Variants in TSPAN3 observed in about 807,000 individuals in gnomAD.
The protein encoded by TSPAN3 is tetraspanin 3.
TSPAN3 carries 9 observed loss-of-function variants against 31.1 expected under a neutral mutation model. The observed-to-expected ratio is 0.29, with a 90% confidence interval of 0.17 to 0.50. TSPAN3 has a LOEUF of 0.50. Ranked by LOEUF, TSPAN3 falls within the 20% of genes least tolerant of loss-of-function variation. TSPAN3 has a pLI of 0.98. For synonymous variants in TSPAN3, 129 were observed against 114.3 expected (o/e 1.13, Z -0.82); for missense variants, 252 against 313.5 (o/e 0.80, Z 1.48).
At chr15:77,048,604 T>C (rs2076708908) in intron 6 of TSPAN3, among the ~76,000 whole-genome samples, 2 of 152,228 alleles carry the variant, frequency 1.3e-5, no homozygotes, top group Admixed American at 1.3e-4. Context: ...CATTAACTAT[T>C]ACAGGCTCAT....
At chr15:77,049,367 G>C (rs1450029105) in intron 6 of TSPAN3, among the ~76,000 whole-genome samples, 1 of 152,068 alleles carries the variant, frequency 6.6e-6, no homozygotes, top group Non-Finnish European at 1.5e-5. Flanking sequence ...TCTATCTTGA[G>C]GATATGCCAA....
chr15:77,053,427 A>T (rs2076744635), intron 4 of TSPAN3, among the ~76,000 whole-genome samples: 1 of 131,506 alleles, frequency 7.6e-6, no homozygotes, highest in African/African-American at 2.9e-5. Context: ...CAGCCTGGGC[A>T]ACAAGAGTGA....
In TSPAN3 at chr15:77,070,883, C is replaced by T. The variant is rs2076864871; in HGVS notation, c.63+9G>A. ...CCGCCGGCCCCTCGCTCTGCCCGGC[C>T]CCGCTCACCCAGAAGATGAGGTTGA... On this transcript the variant is annotated intron_variant, in intron 1 of 6. Coordinates refer to ENST00000267970, the MANE Select transcript of TSPAN3 (RefSeq NM_005724.6). 16 of 1,383,556 alleles carry T rather than the reference C, an allele frequency of 1.2e-5. No homozygotes were observed. Among genetic ancestry groups the T allele is most frequent in the South Asian group, 1.6e-5 (1 of 63,484 alleles). 85.7% of individuals were successfully genotyped at this position (1,383,556 alleles called of 1,614,324 possible). A position where few individuals can be genotyped will look rare whatever the true frequency, so the allele number is the denominator to read the frequency against.
Position 77,046,668 on chromosome 15 carries a change from G to A in TSPAN3, c.*167C>T, listed in dbSNP as rs1027846951. The A allele has an allele frequency of 4.4e-5, 25 of 565,164 alleles. No homozygotes were observed. Among genetic ancestry groups the A allele is most frequent in the East Asian group, 4.3e-4 (15 of 35,004 alleles). 35.0% of individuals were successfully genotyped at this position (565,164 alleles called of 1,614,324 possible). A position where few individuals can be genotyped will look rare whatever the true frequency, so the allele number is the denominator to read the frequency against. ...AGCTAGAACAAGGAAAAAGAAAGTCGCAGGTAGTAGGTAAGTAGGTGGGCA... is the reference window on the plus strand; with the variant it reads ...AGCTAGAACAAGGAAAAAGAAAGTCACAGGTAGTAGGTAAGTAGGTGGGCA... On this transcript the variant is annotated 3_prime_UTR_variant, in exon 7 of 7. Transcript: ENST00000267970.
chr15:77,044,239 G>A lies in TSPAN3; in HGVS notation c.*2596C>T, dbSNP rs1247645193. Reference sequence around the variant, plus strand: ...GCTTCCAATGTGCAGCCACGGGCAGGAAACACCAGCCTAGTGGGTGAGCTC... The same window carrying A: ...GCTTCCAATGTGCAGCCACGGGCAGAAAACACCAGCCTAGTGGGTGAGCTC... On this transcript the variant is annotated 3_prime_UTR_variant, in exon 7 of 7. Coordinates refer to ENST00000267970, the MANE Select transcript of TSPAN3 (RefSeq NM_005724.6). 2.0e-5 allele frequency: 3 copies of A among 152,234 alleles called. No individual in the cohort carries two copies. The highest frequency in any genetic ancestry group is 6.5e-5 in the Admixed American group (1 of 15,284). The allele number at this position is 152,234 out of a possible 1,614,324, so 9.4% of individuals were successfully genotyped here.
intron 3 of TSPAN3, chr15:77,054,836 G>A (rs1013702796): frequency 7.9e-5 from 12 of 152,226 alleles, no homozygotes; most frequent in African/African-American, 2.9e-4. Flanking sequence ...ATTGCAAAAA[G>A]GAGACAGGAA....
intron 1 of TSPAN3, among the ~76,000 whole-genome samples, chr15:77,057,594 T>C (rs1009194485): frequency 1.3e-5 from 2 of 152,242 alleles, no homozygotes; most frequent in Admixed American, 1.3e-4. Context: ...ACTAGAATAA[T>C]GAAGGCAATT....
rs545510646 is a variant in TSPAN3 at position 77,050,305 on chromosome 15, AC to A, written c.669+2079del. On this transcript the variant is annotated intron_variant, in intron 6 of 6. Coordinates refer to ENST00000267970, the MANE Select transcript of TSPAN3 (RefSeq NM_005724.6). ...CCAAGTTTTTAAAATTTTCAAAACC[AC>A]TAGGTTTTGAGTCTGTGAAAGCTCT... Among the ~76,000 whole-genome samples, 75 of 152,340 alleles carry A rather than the reference AC, an allele frequency of 4.9e-4. 1 individual carries two copies. In the South Asian group the frequency reaches 8.7e-3, roughly 18 times the overall value.
chr15:77,053,718 G>T (rs564071579), intron 4 of TSPAN3, among the ~76,000 whole-genome samples: 1 of 152,140 alleles, frequency 6.6e-6, no homozygotes, highest in East Asian at 1.9e-4. Flanking sequence ...GCAAGGTCGG[G>T]GTGCAAACAT....
At chr15:77,064,794 A>C (rs1326115571) in intron 1 of TSPAN3, 1 of 152,268 alleles carries the variant, frequency 6.6e-6, no homozygotes, top group Non-Finnish European at 1.5e-5. Context: ...CCCATGACAT[A>C]TTCTTTGTCA....
chr15:77,062,762 T>C (rs1396876933), intron 1 of TSPAN3, among the ~76,000 whole-genome samples: 1 of 152,220 alleles, frequency 6.6e-6, no homozygotes, highest in South Asian at 2.1e-4. Context: ...CATCGAGATG[T>C]TGTAATGAAA....
chr15:77,049,188 C>T (rs1030301069), intron 6 of TSPAN3, among the ~76,000 whole-genome samples: 3 of 151,854 alleles, frequency 2.0e-5, no homozygotes, highest in African/African-American at 7.3e-5. Context: ...GCAATGTTGG[C>T]CAGGGTGTGA....
Position 77,045,193 on chromosome 15 carries a change from C to G in TSPAN3, c.*1642G>C, listed in dbSNP as rs2076682836. On this transcript the variant is annotated 3_prime_UTR_variant, in exon 7 of 7. Transcript: ENST00000267970. ...TTCCCCAGTTGACTGAGCCAGAAACCTGGGACTCATCCTAGATGAGTCTTC... is the reference window on the plus strand; with the variant it reads ...TTCCCCAGTTGACTGAGCCAGAAACGTGGGACTCATCCTAGATGAGTCTTC... 6.6e-6 allele frequency: 1 copy of G among 152,184 alleles called. No individual in the cohort carries two copies. The highest frequency in any genetic ancestry group is 1.9e-4 in the East Asian group (1 of 5,184). 9.4% of individuals were successfully genotyped at this position (152,184 alleles called of 1,614,324 possible). A position where few individuals can be genotyped will look rare whatever the true frequency, so the allele number is the denominator to read the frequency against.
chr15:77,052,827 C>A lies in TSPAN3; in HGVS notation c.535G>T (p.Ala179Ser). ...GCCAGGCTGCCATTACAATTGCTGG[C>A]AGTCTCTCTGCAGCAGCTAAGAGGG... Reference protein sequence around the residue: ...SVPLSCCRETASNCNGSLAHP... With the variant: ...SVPLSCCRETSSNCNGSLAHP... Residue 179 changes from alanine to serine, a missense_variant, in exon 5 of 7, where the codon GCC becomes TCC. Ala to Ser is a moderately conservative substitution (Grantham distance 99, BLOSUM62 1). Coordinates refer to ENST00000267970, the MANE Select transcript of TSPAN3 (RefSeq NM_005724.6). The A allele has an allele frequency of 6.2e-7, 1 of 1,614,138 alleles. No individual in the cohort carries two copies. The highest frequency in any genetic ancestry group is 8.5e-7 in the Non-Finnish European group (1 of 1,180,020).
rs959961541 is a variant in TSPAN3 at position 77,046,574 on chromosome 15, T to A, written c.*261A>T. ...CCTCCTTTAATTCTACCACACTACA[T>A]GACTCGCAATTGGTTCTGAAATTAG... On this transcript the variant is annotated 3_prime_UTR_variant, in exon 7 of 7. Transcript: ENST00000267970. 1.7e-5 allele frequency: 9 copies of A among 522,986 alleles called. No homozygotes were observed. The highest frequency in any genetic ancestry group is 3.0e-5 in the Non-Finnish European group (9 of 297,028). The allele number at this position is 522,986 out of a possible 1,614,324, so 32.4% of individuals were successfully genotyped here. A position where few individuals can be genotyped will look rare whatever the true frequency, so the allele number is the denominator to read the frequency against.
Position 77,044,172 on chromosome 15 carries a change from G to A in TSPAN3, c.*2663C>T, listed in dbSNP as rs950043746. On this transcript the variant is annotated 3_prime_UTR_variant, in exon 7 of 7. Transcript: ENST00000267970. ...GGACACACCCTAGAGCACCTTAGAT[G>A]CTCTGGGACCCAGGCATCTGTAGTT... 1 of 152,198 alleles carries A rather than the reference G, an allele frequency of 6.6e-6. No individual in the cohort carries two copies. Among genetic ancestry groups the A allele is most frequent in the African/African-American group, 2.4e-5 (1 of 41,438 alleles). The allele number at this position is 152,198 out of a possible 1,614,324, so 9.4% of individuals were successfully genotyped here.
At chr15:77,069,412 A>G (rs2076853177) in intron 1 of TSPAN3, among the ~76,000 whole-genome samples, 1 of 152,244 alleles carries the variant, frequency 6.6e-6, no homozygotes, top group Non-Finnish European at 1.5e-5. Flanking sequence ...CTATATGTGC[A>G]TTTCATTCTT....
rs1156377475 is a variant in TSPAN3, at chr15:77,070,971, G to T, written c.-17C>A. 2 of 1,423,580 alleles carry T rather than the reference G, an allele frequency of 1.4e-6. No individual in the cohort carries two copies. Among genetic ancestry groups the T allele is most frequent in the South Asian group, 1.4e-5 (1 of 70,812 alleles). 88.2% of individuals were successfully genotyped at this position (1,423,580 alleles called of 1,614,324 possible). ...CTGGCCCATGGCGCCGGTGGCCCGC[G>T]AAGGCCCGGCCCGGAGAGCGGGGCT... is the stretch of plus-strand genomic sequence containing the variant. On this transcript the variant is annotated 5_prime_UTR_variant, in exon 1 of 7. Transcript: ENST00000267970.
chr15:77,056,416 C>A (rs533630690), intron 1 of TSPAN3, among the ~76,000 whole-genome samples, 161 bp from the exon 2 acceptor site: 55 of 151,654 alleles, frequency 3.6e-4, no homozygotes, highest in Non-Finnish European at 8.0e-4. Context: ...CATTTCTATA[C>A]TAGATAAAAT....
Sources: allele counts gnomAD v4.1 joint callset (sites outside exome capture counted in the v4.1 genomes callset), GRCh38; gene constraint gnomAD v4.1.1; transcripts MANE v1.5; gene names NCBI Gene and HGNC (gene_info 2026-07-23, HGNC 2026-07-21).